Variants in NEO1 observed in about 807,000 individuals in gnomAD.
NEO1 encodes the protein neogenin.
In NEO1, 63 loss-of-function variants were observed where a neutral mutation model predicts 159.7. The ratio of observed to expected loss-of-function variants is 0.39; its 90% CI spans 0.32 to 0.49. The LOEUF is 0.49. NEO1 is among the 20% of genes least tolerant of loss of function. NEO1 has a pLI of 0.85. For missense variants in NEO1, 1,615 were observed against 1,831.0 expected, an observed-to-expected ratio of 0.88 and a Z score of 2.15; for synonymous variants, 633 against 662.0, an observed-to-expected ratio of 0.96 and a Z score of 0.67.
intron 7 of NEO1, among the ~76,000 whole-genome samples, chr15:73,234,749 G>A (rs530114600): frequency 6.6e-6 from 1 of 152,268 alleles, no homozygotes; most frequent in East Asian, 1.9e-4. Context: ...AAAAAAGGGA[G>A]CATGAGAGAG....
chr15:73,291,205 T>A (rs1325267150), intron 25 of NEO1, among the ~76,000 whole-genome samples: 1 of 152,202 alleles, frequency 6.6e-6, no homozygotes, highest in Non-Finnish European at 1.5e-5. Flanking sequence ...ATCAAGAAGA[T>A]GCTAGCACTA....
At chr15:73,059,392 T>G (rs2067870409) in intron 1 of NEO1, among the ~76,000 whole-genome samples, 1 of 152,214 alleles carries the variant, frequency 6.6e-6, no homozygotes, top group Non-Finnish European at 1.5e-5. Context: ...TAACCTTCTT[T>G]AAAATTATTT....
chr15:73,251,203 C>G (rs1028778033), intron 11 of NEO1, among the ~76,000 whole-genome samples: 5 of 152,092 alleles, frequency 3.3e-5, no homozygotes, highest in Admixed American at 2.6e-4. Flanking sequence ...ATGGGCTTGA[C>G]AGTTTTCAGG....
chr15:73,113,508 A>C (rs1168940220), intron 1 of NEO1, among the ~76,000 whole-genome samples: 1 of 152,180 alleles, frequency 6.6e-6, no homozygotes, highest in African/African-American at 2.4e-5. Context: ...GGGTCATTTC[A>C]AACTTCTAGG....
intron 1 of NEO1, among the ~76,000 whole-genome samples, chr15:73,077,796 G>C (rs929971411): frequency 1.3e-5 from 2 of 152,164 alleles, no homozygotes; most frequent in African/African-American, 4.8e-5. Context: ...TGCTGTAAAA[G>C]GGGTGCAGAG....
At chr15:73,274,226 A>G (rs997385360) in intron 20 of NEO1, among the ~76,000 whole-genome samples, 2 of 152,160 alleles carry the variant, frequency 1.3e-5, no homozygotes, top group Non-Finnish European at 2.9e-5. Context: ...ATAAAAGAGG[A>G]CACTGGTTCC....
chr15:73,122,790 G>T lies in NEO1; in HGVS notation c.714G>T (p.Lys238Asn). The T allele has an allele frequency of 2.5e-6, 4 of 1,614,012 alleles. No homozygotes were observed. Among genetic ancestry groups the T allele is most frequent in the Non-Finnish European group, 3.4e-6 (4 of 1,179,894 alleles). The change falls in exon 3 of 29, where the codon AAG becomes AAT. Residue 238 changes from lysine to asparagine, a missense_variant. Transcript: ENST00000261908. The part of the protein sequence containing the change: ...PPKYSDEVEL[K>N]VLPDPEVISD... Reference sequence around the variant, plus strand: ...AGTATAGTGATGAAGTTGAATTGAAGGTTCTTCCAGGTATTAACTCATTAT... The same window carrying T: ...AGTATAGTGATGAAGTTGAATTGAATGTTCTTCCAGGTATTAACTCATTAT...
At position 73,228,162 on chromosome 15, in the gene NEO1, T is replaced by C. The variant is rs185134671; in HGVS notation, c.1292-8185T>C. 3.9e-5 allele frequency among the ~76,000 whole-genome samples: 6 copies of C among 152,296 alleles called. No homozygotes were observed. In the East Asian group the frequency reaches 1.2e-3, roughly 29 times the overall value. On this transcript the variant is annotated intron_variant, in intron 7 of 28. Coordinates refer to ENST00000261908, the MANE Select transcript of NEO1 (RefSeq NM_002499.4). ...AGTGTCCAGAAATTATCAAAGACTT[T>C]TATAAATGCCAACCAGTCATCAAGG... is the stretch of plus-strand genomic sequence containing the variant.
At chr15:73,226,866 G>T (rs1343328945) in intron 7 of NEO1, among the ~76,000 whole-genome samples, 1 of 152,114 alleles carries the variant, frequency 6.6e-6, no homozygotes, top group Non-Finnish European at 1.5e-5. Flanking sequence ...TCAAAGAAAG[G>T]TTATGAAAAA....
chr15:73,067,328 A>C (rs1484914248), intron 1 of NEO1, among the ~76,000 whole-genome samples: 1 of 152,126 alleles, frequency 6.6e-6, no homozygotes, highest in East Asian at 1.9e-4. Context: ...TTTTTGCTCC[A>C]GTTGATAGAA....
intron 23 of NEO1, among the ~76,000 whole-genome samples, chr15:73,284,884 G>A (rs1714531): frequency 0.097 from 14,804 of 152,004 alleles, 862 homozygotes; most frequent in African/African-American, 0.14. Context: ...CACTGCGCCC[G>A]GCCCTGTCTA....
At chr15:73,173,011 G>A (rs897645289) in intron 5 of NEO1, among the ~76,000 whole-genome samples, 3 of 152,208 alleles carry the variant, frequency 2.0e-5, no homozygotes, top group African/African-American at 7.2e-5. Flanking sequence ...GGTTCAGTCT[G>A]TTTGGTTTGA....
chr15:73,128,869 A>G (rs2151701421), intron 4 of NEO1, among the ~76,000 whole-genome samples: 1 of 152,296 alleles, frequency 6.6e-6, no homozygotes, highest in Admixed American at 6.5e-5. Flanking sequence ...GGAGCAGATG[A>G]TTTTTAACTA....
rs556450981 is a variant in NEO1 at position 73,204,387 on chromosome 15, G to A, written c.1291+25960G>A. On this transcript the variant is annotated intron_variant, in intron 7 of 28. Transcript: ENST00000261908. ...TTGTCATTAATTTTGGAAAATTCTC[G>A]CTTTATTCTCTCTTCTCTGATATTC... 3.9e-5 allele frequency among the ~76,000 whole-genome samples: 6 copies of A among 151,916 alleles called. No homozygotes were observed. The South Asian group carries it at 1.0e-3, about 26-fold the overall frequency.
chr15:73,055,922 C>T (rs980664881), intron 1 of NEO1, among the ~76,000 whole-genome samples: 1 of 152,302 alleles, frequency 6.6e-6, no homozygotes, highest in East Asian at 1.9e-4. Flanking sequence ...GACTCTGAAT[C>T]GGTATCTTTT....
intron 1 of NEO1, among the ~76,000 whole-genome samples, chr15:73,057,367 G>C (rs2093428395): frequency 6.6e-6 from 1 of 151,978 alleles, no homozygotes; most frequent in Non-Finnish European, 1.5e-5. Flanking sequence ...GTATTTAATA[G>C]TCTTTTTTCC....
intron 7 of NEO1, among the ~76,000 whole-genome samples, chr15:73,213,760 C>T (rs2037717748): frequency 1.3e-5 from 2 of 152,094 alleles, no homozygotes; most frequent in African/African-American, 2.4e-5. Context: ...CATATAATGA[C>T]TTATTTTCCT....
In NEO1 at chr15:73,272,557, T is replaced by C. The variant is rs1366064677; in HGVS notation, c.2960T>C (p.Ile987Thr). ...WQPPSEANGK[I>T]TGYIIYYSTD... ...CCTCCCTCCGAAGCCAATGGCAAAATTACAGGTAAAATGCAATCAAGTGTG... is the reference window on the plus strand; with the variant it reads ...CCTCCCTCCGAAGCCAATGGCAAAACTACAGGTAAAATGCAATCAAGTGTG... The change falls in exon 19 of 29, where the codon ATT becomes ACT. Residue 987 changes from isoleucine to threonine, a missense_variant. Ile to Thr is a moderately conservative substitution (Grantham distance 89). Coordinates refer to ENST00000261908, the MANE Select transcript of NEO1 (RefSeq NM_002499.4). 6.2e-7 allele frequency: 1 copy of C among 1,603,276 alleles called. No individual in the cohort carries two copies. The highest frequency in any genetic ancestry group is 8.5e-7 in the Non-Finnish European group (1 of 1,170,184).
rs946432484 is a variant in NEO1, at chr15:73,304,118, C to T, written c.*1422C>T. ...GACAGCGGAAACAGCTGCCCACCCC[C>T]CCCATCCCAGCAGCTCAGCTAAGCC... On this transcript the variant is annotated 3_prime_UTR_variant, in exon 29 of 29. Transcript: ENST00000261908. 1 of 152,196 alleles carries T rather than the reference C, an allele frequency of 6.6e-6. No individual in the cohort carries two copies. Among genetic ancestry groups the T allele is most frequent in the Non-Finnish European group, 1.5e-5 (1 of 68,064 alleles). 9.4% of individuals were successfully genotyped at this position (152,196 alleles called of 1,614,324 possible).
Sources: gnomAD v4.1 joint callset for allele counts (sites outside exome capture counted in the v4.1 genomes callset) on GRCh38, gnomAD v4.1.1 for gene constraint, MANE v1.5 for transcripts, NCBI Gene and HGNC (gene_info 2026-07-23, HGNC 2026-07-21) for gene names.